ZNF257: variants seen among roughly 807,000 people sequenced by gnomAD.
ZNF257 encodes bone marrow zinc finger 4.
A neutral mutation model predicts 11.9 loss-of-function variants in ZNF257; 12 were observed. The ratio of observed to expected loss-of-function variants is 1.01; its 90% CI spans 0.65 to 1.63. The LOEUF is 1.63. Ranked by LOEUF, ZNF257 falls within the 40% of genes most tolerant of loss-of-function variation. The pLI, the probability that ZNF257 is intolerant of heterozygous loss-of-function variation, is 0.00. For missense variants in ZNF257, 580 were observed against 665.5 expected, an observed-to-expected ratio of 0.87 and a Z score of 1.41; for synonymous variants, 183 against 222.7, an observed-to-expected ratio of 0.82 and a Z score of 1.59.
intron 3 of ZNF257, among the ~76,000 whole-genome samples, chr19:22,086,362 G>A (rs2022476018): frequency 6.6e-6 from 1 of 151,888 alleles, no homozygotes; most frequent in African/African-American, 2.4e-5. Flanking sequence ...TGATATTGCT[G>A]ATTATATGTT....
In ZNF257 at chr19:22,072,923, C is replaced by T. The variant is rs1280353129; in HGVS notation, c.118C>T (p.Leu40=). 8 of 1,612,052 alleles carry T rather than the reference C, an allele frequency of 5.0e-6. No homozygotes were observed. Among genetic ancestry groups the T allele is most frequent in the Non-Finnish European group, 6.8e-6 (8 of 1,179,072 alleles). The part of the protein sequence containing the change: ...RDVMLENYRN[L]VFLGIAVSKP... ...TGTGATGTTAGAGAACTACAGAAAC[C>T]TGGTCTTCCTGGGTGAGGATAACTT... The change falls in exon 2 of 4, where the codon CTG becomes TTG. Residue 40 remains leucine, a synonymous_variant. Transcript: ENST00000594947.
At chr19:22,054,445 C>T (rs2145681173) in intron 1 of ZNF257, among the ~76,000 whole-genome samples, 1 of 152,272 alleles carries the variant, frequency 6.6e-6, no homozygotes. Flanking sequence ...TTTCTTCAGC[C>T]TAACTCTGGA....
At chr19:22,080,036 G>C (rs1305011467) in intron 3 of ZNF257, among the ~76,000 whole-genome samples, 1 of 152,114 alleles carries the variant, frequency 6.6e-6, no homozygotes, top group Non-Finnish European at 1.5e-5. Flanking sequence ...CTGGAGTGCA[G>C]TGGCATGATT....
chr19:22,059,273 A>T (rs2021728053), intron 1 of ZNF257, among the ~76,000 whole-genome samples: 1 of 152,070 alleles, frequency 6.6e-6, no homozygotes, highest in Non-Finnish European at 1.5e-5. Context: ...CCAAACAGGT[A>T]TTTTTTCTGA....
chr19:22,058,153 G>A (rs887657734), intron 1 of ZNF257, among the ~76,000 whole-genome samples: 4 of 152,068 alleles, frequency 2.6e-5, no homozygotes, highest in Non-Finnish European at 5.9e-5. Flanking sequence ...CCCCATCTAA[G>A]TTATAATGGA....
Position 22,052,484 on chromosome 19 carries a change from A to T in ZNF257, c.-149A>T. 2 of 868,592 alleles carry T rather than the reference A, an allele frequency of 2.3e-6. No homozygotes were observed. Among genetic ancestry groups the T allele is most frequent in the Non-Finnish European group, 3.6e-6 (2 of 554,672 alleles). The allele number at this position is 868,592 out of a possible 1,614,324, so 53.8% of individuals were successfully genotyped here. Reference sequence around the variant, plus strand: ...AGGGTGGCTTCCGGGTTTGGCGGGTACTTTGTCTCTCGCTCTAGCCCGAGC... The same window carrying T: ...AGGGTGGCTTCCGGGTTTGGCGGGTTCTTTGTCTCTCGCTCTAGCCCGAGC... On this transcript the variant is annotated 5_prime_UTR_variant, in exon 1 of 4. Coordinates refer to ENST00000594947, the MANE Select transcript of ZNF257 (RefSeq NM_033468.4).
intron 1 of ZNF257, among the ~76,000 whole-genome samples, chr19:22,060,958 C>T (rs2021780412): frequency 6.6e-6 from 1 of 152,162 alleles, no homozygotes; most frequent in Non-Finnish European, 1.5e-5. Context: ...AATTTTGGGG[C>T]TCTTTAATCT....
chr19:22,066,738 T>C (rs1415056055), intron 1 of ZNF257, among the ~76,000 whole-genome samples: 3 of 152,222 alleles, frequency 2.0e-5, no homozygotes, highest in African/African-American at 7.2e-5. Context: ...TATAACCATG[T>C]AGCATATATG....
At chr19:22,062,567 C>T (rs2021833355) in intron 1 of ZNF257, among the ~76,000 whole-genome samples, 3 of 151,874 alleles carry the variant, frequency 2.0e-5, no homozygotes, top group Admixed American at 2.0e-4. Flanking sequence ...ACCACAACCT[C>T]CACCTCCTGG....
chr19:22,056,478 A>ATTTTTTT (rs79915542), intron 1 of ZNF257, among the ~76,000 whole-genome samples: 21 of 134,602 alleles, frequency 1.6e-4, no homozygotes, highest in African/African-American at 5.5e-4. Flanking sequence ...GAATTTAGAA[A>ATTTTTTT]TTTTTTTTTT....
chr19:22,087,793 C>T (rs1465449715), intron 3 of ZNF257, among the ~76,000 whole-genome samples, 184 bp from the exon 4 acceptor site: 2 of 151,844 alleles, frequency 1.3e-5, no homozygotes, highest in Non-Finnish European at 2.9e-5. Context: ...ATAAATTTTC[C>T]AAAAATGTGT....
At chr19:22,054,091 A>T (rs945336833) in intron 1 of ZNF257, among the ~76,000 whole-genome samples, 8 of 138,766 alleles carry the variant, frequency 5.8e-5, no homozygotes, top group African/African-American at 2.2e-4. Flanking sequence ...TTTTTTTTTT[A>T]AGAAGGAGTT....
At chr19:22,059,250 A>G (rs2021727399) in intron 1 of ZNF257, among the ~76,000 whole-genome samples, 1 of 152,172 alleles carries the variant, frequency 6.6e-6, no homozygotes, top group Non-Finnish European at 1.5e-5. Context: ...TCACTGAGAT[A>G]CTAAACTTTG....
intron 1 of ZNF257, among the ~76,000 whole-genome samples, chr19:22,056,037 A>C (rs2021625171): frequency 8.0e-6 from 1 of 124,752 alleles, no homozygotes; most frequent in Non-Finnish European, 1.6e-5. Flanking sequence ...CCTGGGCGAC[A>C]GAGCGAGACT....
chr19:22,085,715 C>G (rs1220973232), intron 3 of ZNF257, among the ~76,000 whole-genome samples: 3 of 150,914 alleles, frequency 2.0e-5, no homozygotes, highest in African/African-American at 7.3e-5. Flanking sequence ...CACACAAACA[C>G]GCAAACATGA....
chr19:22,075,276 G>A, intron 3 of ZNF257: 1 of 156,076 alleles, frequency 6.4e-6, no homozygotes, highest in Non-Finnish European at 1.4e-5. Context: ...AGTAGGGTCT[G>A]TATATAATGT....
rs770165965 is a variant in ZNF257 at position 22,089,421 on chromosome 19, C to T, written c.1671C>T (p.Asn557=). The change falls in exon 4 of 4, where the codon AAC becomes AAT. Residue 557 remains asparagine (N), a synonymous_variant. Coordinates refer to ENST00000594947, the MANE Select transcript of ZNF257 (RefSeq NM_033468.4). ...GCAAAGCTTGTAACCATTCCTCAAA[C>T]CTTACTAAACATAATTCATAATGGA... is the stretch of plus-strand genomic sequence containing the variant. The part of the protein sequence containing the change: ...ECGKACNHSS[N]LTKHNS The T allele has an allele frequency of 6.2e-7, 1 of 1,608,878 alleles. No homozygotes were observed. The highest frequency in any genetic ancestry group is 8.5e-7 in the Non-Finnish European group (1 of 1,177,600).
chr19:22,061,988 T>A (rs1435518815), intron 1 of ZNF257, among the ~76,000 whole-genome samples: 1 of 152,104 alleles, frequency 6.6e-6, no homozygotes, highest in East Asian at 1.9e-4. Context: ...AGATAAAGCC[T>A]ACTTGATTAT....
In ZNF257 at chr19:22,091,025, A is replaced by T. The variant is rs2145725072; in HGVS notation, c.*1583A>T. 1 of 152,294 alleles carries T rather than the reference A, an allele frequency of 6.6e-6. No homozygotes were observed. The highest frequency in any genetic ancestry group is 2.4e-5 in the African/African-American group (1 of 41,540). The allele number at this position is 152,294 out of a possible 1,614,324, so 9.4% of individuals were successfully genotyped here. A position where few individuals can be genotyped will look rare whatever the true frequency, so the allele number is the denominator to read the frequency against. On this transcript the variant is annotated 3_prime_UTR_variant, in exon 4 of 4. Transcript: ENST00000594947. ...GAAAAACATTTTTAATTTTAGTTAA[A>T]TGTAAGTTAAAATTAAAATAGTACC...
Sources: gnomAD v4.1 joint callset for allele counts (sites outside exome capture counted in the v4.1 genomes callset) on GRCh38, gnomAD v4.1.1 for gene constraint, MANE v1.5 for transcripts, NCBI Gene and HGNC (gene_info 2026-07-23, HGNC 2026-07-21) for gene names.